Variants in DPYD observed in about 807,000 individuals in gnomAD.
The protein encoded by DPYD is dihydropyrimidine dehydrogenase.
In DPYD, 109 loss-of-function variants were observed where a neutral mutation model predicts 116.2. The observed-to-expected ratio is 0.94, with a 90% confidence interval of 0.80 to 1.10. DPYD has a LOEUF of 1.10. Among genes scored for constraint, DPYD ranks in the 50% least tolerant of loss-of-function variants. The probability of loss-of-function intolerance (pLI) is 0.00; values close to 1 mark genes in which losing one functional copy is unlikely to be tolerated. For synonymous variants in DPYD, 440 were observed against 432.0 expected (o/e 1.02, Z -0.23); for missense variants, 1,302 against 1,254.5 (o/e 1.04, Z -0.57).
chr1:97,335,675 C>T (rs1229864732), intron 16 of DPYD, among the ~76,000 whole-genome samples: 1 of 152,158 alleles, frequency 6.6e-6, no homozygotes. Flanking sequence ...CCATAGCCCT[C>T]TGCATTACCT....
chr1:97,279,964 T>C (rs921214290), intron 18 of DPYD: 50 of 152,176 alleles, frequency 3.3e-4, no homozygotes, highest in African/African-American at 1.1e-3. Flanking sequence ...GAAAGGCACA[T>C]TGCTTTCATG....
chr1:97,083,432 T>G (rs975607854), intron 21 of DPYD, among the ~76,000 whole-genome samples: 1 of 152,118 alleles, frequency 6.6e-6, no homozygotes, highest in African/African-American at 2.4e-5. Flanking sequence ...TACTTTTTTT[T>G]CTATTTGATC....
chr1:97,889,873 C>T (rs1672692400), intron 1 of DPYD, among the ~76,000 whole-genome samples: 1 of 151,924 alleles, frequency 6.6e-6, no homozygotes, highest in Admixed American at 6.6e-5. Context: ...CTTCTACTAA[C>T]TTAAAAATAT....
chr1:97,663,896 T>C (rs1234499340), intron 8 of DPYD, among the ~76,000 whole-genome samples: 2 of 152,224 alleles, frequency 1.3e-5, no homozygotes, highest in South Asian at 2.1e-4. Flanking sequence ...CAGAGGCTTA[T>C]AGTCTAGGAT....
chr1:97,205,637 T>C (rs1659538348), intron 19 of DPYD, among the ~76,000 whole-genome samples: 1 of 152,174 alleles, frequency 6.6e-6, no homozygotes, highest in African/African-American at 2.4e-5. Context: ...TAGTGTAATC[T>C]GATATCCATA....
intron 16 of DPYD, 124 bp downstream of exon 16, chr1:97,373,437 G>T: frequency 1.3e-6 from 1 of 771,298 alleles, no homozygotes; most frequent in Non-Finnish European, 2.1e-6. Context: ...AAACAATGCA[G>T]ACCTGGAAGT....
chr1:97,080,306 C>T (rs954022114), intron 22 of DPYD, among the ~76,000 whole-genome samples: 1 of 151,920 alleles, frequency 6.6e-6, no homozygotes, highest in Non-Finnish European at 1.5e-5. Flanking sequence ...CAAGGAATTG[C>T]ATTATTTTGA....
chr1:97,101,327 T>A (rs1420172610), intron 20 of DPYD, among the ~76,000 whole-genome samples: 1 of 151,738 alleles, frequency 6.6e-6, no homozygotes, highest in Non-Finnish European at 1.5e-5. Context: ...ATTAAAGTGG[T>A]CCTAAGGCTA....
chr1:97,308,575 T>C (rs932792787), intron 16 of DPYD, among the ~76,000 whole-genome samples: 5 of 151,844 alleles, frequency 3.3e-5, no homozygotes, highest in South Asian at 2.1e-4. Context: ...GTGAGGTCAA[T>C]AACATCATGA....
intron 5 of DPYD, among the ~76,000 whole-genome samples, chr1:97,700,772 T>C (rs943877556): frequency 1.3e-5 from 2 of 151,968 alleles, no homozygotes; most frequent in Non-Finnish European, 2.9e-5. Flanking sequence ...ATAACTATGA[T>C]TGATATGTTC....
chr1:97,306,166 C>T lies in DPYD; in HGVS notation c.2179+11G>A. The T allele has an allele frequency of 6.2e-6, 10 of 1,612,142 alleles. No homozygotes were observed. Among genetic ancestry groups the T allele is most frequent in the Non-Finnish European group, 8.5e-6 (10 of 1,178,648 alleles). On this transcript the variant is annotated intron_variant, in intron 17 of 22. Coordinates refer to ENST00000370192, the MANE Select transcript of DPYD (RefSeq NM_000110.4). ...ACAATAGCGGGCAACTGATTCAAGT[C>T]AAGTTCTTACCTTCCTTTGCAGCTC...
chr1:97,379,285 G>A (rs543055402), intron 15 of DPYD, among the ~76,000 whole-genome samples: 36 of 152,322 alleles, frequency 2.4e-4, no homozygotes, highest in African/African-American at 8.4e-4. Context: ...CAGGGGCCAA[G>A]TAGCACTTAA....
Position 97,486,462 on chromosome 1 carries a change from T to C in DPYD, c.1740+29264A>G, listed in dbSNP as rs553519447. On this transcript the variant is annotated intron_variant, in intron 13 of 22. Transcript: ENST00000370192. ...ATGGTTCTAATGACTGGAAAAATAA[T>C]ACAGAACTTAAGCCATGGAGATTAT... 2.0e-5 allele frequency among the ~76,000 whole-genome samples: 3 copies of C among 152,266 alleles called. No homozygotes were observed. In the East Asian group the frequency reaches 5.8e-4, roughly 29 times the overall value.
intron 14 of DPYD, among the ~76,000 whole-genome samples, chr1:97,392,010 A>C (rs542852748): frequency 1.3e-5 from 2 of 152,066 alleles, no homozygotes; most frequent in Non-Finnish European, 2.9e-5. Context: ...ATGAGAGCAA[A>C]AGAAAGGGTA....
At chr1:97,377,405 A>G (rs1456746552) in intron 15 of DPYD, among the ~76,000 whole-genome samples, 1 of 152,178 alleles carries the variant, frequency 6.6e-6, no homozygotes, top group Non-Finnish European at 1.5e-5. Flanking sequence ...TCAATCATCT[A>G]TCTATCTAAA....
chr1:97,676,857 T>C (rs1044358955), intron 8 of DPYD, among the ~76,000 whole-genome samples: 6 of 152,206 alleles, frequency 3.9e-5, no homozygotes, highest in African/African-American at 7.2e-5. Context: ...ATATGTTTCA[T>C]ACAAAATACT....
intron 20 of DPYD, among the ~76,000 whole-genome samples, chr1:97,134,686 C>A (rs1023365383): frequency 6.6e-6 from 1 of 152,242 alleles, no homozygotes; most frequent in Non-Finnish European, 1.5e-5. Flanking sequence ...TATTTTGACA[C>A]GACTTTCTGA....
At chr1:97,412,707 A>G (rs1475678153) in intron 14 of DPYD, among the ~76,000 whole-genome samples, 1 of 152,188 alleles carries the variant, frequency 6.6e-6, no homozygotes, top group South Asian at 2.1e-4. Flanking sequence ...GTTGCTATGT[A>G]TTTTCAAAGA....
At chr1:97,342,798 A>C (rs575954980) in intron 16 of DPYD, among the ~76,000 whole-genome samples, 1 of 152,216 alleles carries the variant, frequency 6.6e-6, no homozygotes, top group South Asian at 2.1e-4. Flanking sequence ...AGGATTTTGA[A>C]TTGTTTTTAT....
Sources: gnomAD v4.1 joint callset for allele counts (sites outside exome capture counted in the v4.1 genomes callset) on GRCh38, gnomAD v4.1.1 for gene constraint, MANE v1.5 for transcripts, NCBI Gene and HGNC (gene_info 2026-07-23, HGNC 2026-07-21) for gene names.